CAMTA1: variants seen among roughly 807,000 people sequenced by gnomAD.
CAMTA1 encodes the protein calmodulin-binding transcription activator 1.
A neutral mutation model predicts 170.9 loss-of-function variants in CAMTA1; 27 were observed. The observed-to-expected ratio is 0.16, with a 90% confidence interval of 0.12 to 0.22. The LOEUF is 0.22. Among genes scored for constraint, CAMTA1 ranks in the 10% least tolerant of loss-of-function variants. CAMTA1 has a pLI of 1.00. For synonymous variants in CAMTA1, 833 were observed against 891.5 expected, an observed-to-expected ratio of 0.93 and a Z score of 1.17; for missense variants, 1,619 against 2,217.2, an observed-to-expected ratio of 0.73 and a Z score of 5.42.
intron 4 of CAMTA1, among the ~76,000 whole-genome samples, chr1:7,218,911 G>T (rs1660230762): frequency 6.6e-6 from 1 of 152,130 alleles, no homozygotes; most frequent in African/African-American, 2.4e-5. Flanking sequence ...GTTTTCAGAG[G>T]ATGCGTTGGG....
chr1:7,335,965 G>A (rs572145667), intron 5 of CAMTA1, among the ~76,000 whole-genome samples: 1 of 152,140 alleles, frequency 6.6e-6, no homozygotes, highest in Non-Finnish European at 1.5e-5. Flanking sequence ...TGTAACCACC[G>A]GCTCATCGAC....
chr1:7,357,333 A>T (rs2085196524), intron 5 of CAMTA1, among the ~76,000 whole-genome samples: 1 of 152,146 alleles, frequency 6.6e-6, no homozygotes, highest in South Asian at 2.1e-4. Flanking sequence ...TTGGCTCAGG[A>T]GGGGCCATCT....
intron 11 of CAMTA1, among the ~76,000 whole-genome samples, chr1:7,728,993 T>C (rs1044393748): frequency 6.6e-6 from 1 of 152,230 alleles, no homozygotes; most frequent in Non-Finnish European, 1.5e-5. Flanking sequence ...AGTTTGCCTG[T>C]GTCTGTCCAT....
intron 9 of CAMTA1, among the ~76,000 whole-genome samples, chr1:7,667,856 T>C (rs1158154852): frequency 2.0e-5 from 3 of 152,204 alleles, no homozygotes; most frequent in Non-Finnish European, 4.4e-5. Flanking sequence ...CAGCTTGATT[T>C]GGAAAATGCG....
intron 6 of CAMTA1, among the ~76,000 whole-genome samples, chr1:7,638,868 G>T (rs1449094658): frequency 6.6e-6 from 1 of 152,152 alleles, no homozygotes; most frequent in Non-Finnish European, 1.5e-5. Context: ...CCTTACACAG[G>T]CCCCTGGGCA....
intron 6 of CAMTA1, among the ~76,000 whole-genome samples, chr1:7,568,974 CACT>C (rs1381266552): frequency 2.6e-5 from 4 of 151,344 alleles, no homozygotes; most frequent in African/African-American, 9.7e-5. Context: ...TCATCACCAC[CACT>C]ATCACTATCT....
intron 3 of CAMTA1, among the ~76,000 whole-genome samples, chr1:7,077,591 A>G (rs1319710358): frequency 6.6e-6 from 1 of 151,934 alleles, no homozygotes; most frequent in East Asian, 1.9e-4. Flanking sequence ...GTGAGGGAAG[A>G]TAGGAGGTTT....
chr1:7,556,010 C>A (rs1275221129), intron 6 of CAMTA1, among the ~76,000 whole-genome samples: 1 of 152,190 alleles, frequency 6.6e-6, no homozygotes. Flanking sequence ...GGGCAGGCCA[C>A]GTCACACAGG....
At chr1:7,309,293 T>C (rs1436861081) in intron 5 of CAMTA1, among the ~76,000 whole-genome samples, 1 of 122,340 alleles carries the variant, frequency 8.2e-6, no homozygotes, top group Non-Finnish European at 1.7e-5. Flanking sequence ...GAAAATTTTT[T>C]TTTTTTTTTT....
chr1:7,551,806 C>T (rs370436369), intron 6 of CAMTA1, among the ~76,000 whole-genome samples: 16 of 152,306 alleles, frequency 1.1e-4, no homozygotes, highest in African/African-American at 3.9e-4. Context: ...GTCTTACCAG[C>T]TGGCTGGTTC....
chr1:7,284,667 T>G (rs1029064711), intron 5 of CAMTA1, among the ~76,000 whole-genome samples: 1 of 152,216 alleles, frequency 6.6e-6, no homozygotes, highest in Non-Finnish European at 1.5e-5. Context: ...GGCCGTGGGC[T>G]TCTTCCTTCC....
intron 5 of CAMTA1, among the ~76,000 whole-genome samples, chr1:7,341,789 G>C (rs2083852649): frequency 6.6e-6 from 1 of 152,218 alleles, no homozygotes; most frequent in African/African-American, 2.4e-5. Context: ...TCAAAATCGT[G>C]ACTGTCTTAG....
Position 7,063,341 on chromosome 1 carries a change from G to A in CAMTA1, c.235-27963G>A, listed in dbSNP as rs1366648093. On this transcript the variant is annotated intron_variant, in intron 3 of 22. Transcript: ENST00000303635. The surrounding 1 kb of genome is among the most constrained non-coding windows in gnomAD (Gnocchi z 4.3). Reference sequence around the variant, plus strand: ...CAGTGTGCTGAGGCGCAGCTTCCCAGAGGGAGGTGTCATCTGCAGCGCTTT... The same window carrying A: ...CAGTGTGCTGAGGCGCAGCTTCCCAAAGGGAGGTGTCATCTGCAGCGCTTT... Among the ~76,000 whole-genome samples, 1 of 152,234 alleles carries A rather than the reference G, an allele frequency of 6.6e-6. No homozygotes were observed. Among genetic ancestry groups the A allele is most frequent in the African/African-American group, 2.4e-5 (1 of 41,478 alleles).
At chr1:7,549,175 C>A (rs2094762202) in intron 6 of CAMTA1, among the ~76,000 whole-genome samples, 1 of 149,458 alleles carries the variant, frequency 6.7e-6, no homozygotes, top group Admixed American at 6.6e-5. Flanking sequence ...GTGGAGGGCA[C>A]CCCTTATGGG....
intron 4 of CAMTA1, among the ~76,000 whole-genome samples, chr1:7,163,198 C>T (rs1243276775): frequency 6.6e-6 from 1 of 151,056 alleles, no homozygotes; most frequent in Non-Finnish European, 1.5e-5. Flanking sequence ...TGCCAAAGAC[C>T]TAGAGCCACA....
intron 5 of CAMTA1, among the ~76,000 whole-genome samples, chr1:7,394,995 G>A (rs1444267403): frequency 6.6e-6 from 1 of 151,508 alleles, no homozygotes; most frequent in Non-Finnish European, 1.5e-5. Flanking sequence ...CTATTCTTCT[G>A]CCTCAGCGTC....
At chr1:7,301,535 G>A (rs1344760523) in intron 5 of CAMTA1, among the ~76,000 whole-genome samples, 1 of 152,088 alleles carries the variant, frequency 6.6e-6, no homozygotes, top group Admixed American at 6.5e-5. Flanking sequence ...TGGTGCCTTG[G>A]GCTCAGCCAG....
intron 3 of CAMTA1, among the ~76,000 whole-genome samples, chr1:6,962,514 T>G (rs1690631842): frequency 6.6e-6 from 1 of 151,174 alleles, no homozygotes; most frequent in African/African-American, 2.4e-5. Flanking sequence ...CCGTTTCCTT[T>G]ATGGACCTGC....
Position 7,674,820 on chromosome 1 carries a change from T to C in CAMTA1, c.2780-2779T>C, listed in dbSNP as rs546848044. On this transcript the variant is annotated intron_variant, in intron 10 of 22. Coordinates refer to ENST00000303635, the MANE Select transcript of CAMTA1 (RefSeq NM_015215.4). This position sits in a 1 kb window ranked among gnomAD's most constrained non-coding sequence, Gnocchi z 4.1. ...ACAAACAAAAACAACAAATGAGGTG[T>C]AGAATTGGGTTTCAAAACAATTCAT... 1.2e-4 allele frequency among the ~76,000 whole-genome samples: 18 copies of C among 152,106 alleles called. No individual in the cohort carries two copies. Among genetic ancestry groups the C allele is most frequent in the African/African-American group, 4.1e-4 (17 of 41,492 alleles).
Sources: allele counts gnomAD v4.1 joint callset (sites outside exome capture counted in the v4.1 genomes callset), GRCh38; gene constraint gnomAD v4.1.1; non-coding constraint Gnocchi (gnomAD v3.1); transcripts MANE v1.5; gene names NCBI Gene and HGNC (gene_info 2026-07-23, HGNC 2026-07-21).